The following CENPP variants were observed in gnomAD, a reference collection of about 807,000 sequenced individuals.
CENPP encodes the protein centromere protein P.
A neutral mutation model predicts 35.6 loss-of-function variants in CENPP; 24 were observed. That is an observed-to-expected ratio of 0.67 (90% CI 0.49 to 0.95). The LOEUF is 0.95. Ranked by LOEUF, CENPP falls within the 40% of genes least tolerant of loss-of-function variation. CENPP has a pLI of 0.00. For missense variants in CENPP, 332 were observed against 345.3 expected (o/e 0.96, Z 0.31); for synonymous variants, 120 against 125.5 (o/e 0.96, Z 0.29).
At position 92,517,577 on chromosome 9, in the gene CENPP, A is replaced by G. The variant is rs1588215841; in HGVS notation, c.565-93737A>G. ...TCAGCATTTTGCCAATATTTTAAGT[A>G]CTCAGATCTGACTAATGTATCATAA... is the stretch of plus-strand genomic sequence containing the variant. On this transcript the variant is annotated intron_variant, in intron 5 of 7. Coordinates refer to ENST00000375587, the MANE Select transcript of CENPP (RefSeq NM_001012267.3). The G allele has an allele frequency of 2.1e-6, 3 of 1,433,838 alleles. No homozygotes were observed. In the East Asian group the frequency reaches 6.8e-5, roughly 33 times the overall value. The allele number at this position is 1,433,838 out of a possible 1,614,324, so 88.8% of individuals were successfully genotyped here.
intron 5 of CENPP, among the ~76,000 whole-genome samples, chr9:92,397,136 C>T (rs1374264288): frequency 6.6e-6 from 1 of 151,914 alleles, no homozygotes; most frequent in African/African-American, 2.4e-5. Context: ...ATGATCATGC[C>T]ACTATACTCC....
chr9:92,530,703 T>C (rs1437087057), intron 5 of CENPP, among the ~76,000 whole-genome samples: 1 of 152,194 alleles, frequency 6.6e-6, no homozygotes, highest in Admixed American at 6.6e-5. Flanking sequence ...GCATTTTTTT[T>C]CTTTTTTGAC....
intron 5 of CENPP, chr9:92,417,628 C>T (rs993612769): frequency 3.1e-5 from 28 of 890,386 alleles, no homozygotes; most frequent in Non-Finnish European, 3.9e-5. Flanking sequence ...ACTCAGAATA[C>T]GCTTTGTATA....
chr9:92,456,826 CAA>C lies in CENPP; in HGVS notation c.564+76968_564+76969del, dbSNP rs767226288. On this transcript the variant is annotated intron_variant, in intron 5 of 7. Coordinates refer to ENST00000375587, the MANE Select transcript of CENPP (RefSeq NM_001012267.3). Reference sequence around the variant, plus strand: ...TGATTAAAAATATTACAGTACTACCCAAGTTACTAAAGAATAAGAATAGTGTA... The same window carrying C: ...TGATTAAAAATATTACAGTACTACCCGTTACTAAAGAATAAGAATAGTGTA... 196 of 378,380 alleles carry C rather than the reference CAA, an allele frequency of 5.2e-4. 1 individual carries two copies. The highest frequency in any genetic ancestry group is 7.0e-4 in the Non-Finnish European group (192 of 274,338). The allele number at this position is 378,380 out of a possible 1,614,324, so 23.4% of individuals were successfully genotyped here.
chr9:92,539,091 T>C (rs1459150891), intron 5 of CENPP: 1 of 152,366 alleles, frequency 6.6e-6, no homozygotes, highest in African/African-American at 2.4e-5. Flanking sequence ...CTTAAAGCTG[T>C]GCCTACAACC....
At chr9:92,385,548 G>T in intron 5 of CENPP, 1 of 1,306,130 alleles carries the variant, frequency 7.7e-7, no homozygotes, top group Non-Finnish European at 1.1e-6. Flanking sequence ...CAATACTTAA[G>T]TTCCTTTACT....
chr9:92,389,272 G>A (rs1441135217), intron 5 of CENPP, among the ~76,000 whole-genome samples: 1 of 152,138 alleles, frequency 6.6e-6, no homozygotes, highest in African/African-American at 2.4e-5. Flanking sequence ...TACCTAAACC[G>A]AAGTAGATTA....
intron 5 of CENPP, chr9:92,417,120 G>A: frequency 6.2e-7 from 1 of 1,613,708 alleles, no homozygotes. Context: ...TGCTCTAGAT[G>A]AAGTTGTAGT....
At position 92,613,097 on chromosome 9, in the gene CENPP, A is replaced by C; in HGVS notation, c.815A>C (p.Glu272Ala). Residue 272 changes from glutamate (E) to alanine (A), a missense_variant, in exon 8 of 8, where the codon GAA becomes GCA. Physicochemically the swap from Glu to Ala is moderately radical, Grantham distance 107 (BLOSUM62 -1). Coordinates refer to ENST00000375587, the MANE Select transcript of CENPP (RefSeq NM_001012267.3). ...ACCCTGGTAGGACTGCTTGGAATCG[A>C]AGCTGCTCTGGAAAGCCTGATAAAA... ...FRTLVGLLGI[E>A]AALESLIKSL... 1 of 1,614,208 alleles carries C rather than the reference A, an allele frequency of 6.2e-7. No homozygotes were observed. Among genetic ancestry groups the C allele is most frequent in the Non-Finnish European group, 8.5e-7 (1 of 1,180,032 alleles).
At position 92,374,262 on chromosome 9, in the gene CENPP, T is replaced by TGTGTGC. The variant is rs1554754792; in HGVS notation, c.468-5496_468-5495insCGTGTG. Among the ~76,000 whole-genome samples, 58 of 151,646 alleles carry TGTGTGC rather than the reference T, an allele frequency of 3.8e-4. 1 individual carries two copies. Among genetic ancestry groups the TGTGTGC allele is most frequent in the African/African-American group, 1.4e-3 (58 of 41,308 alleles). The stretch of plus-strand genomic sequence containing the variant: ...TTTGCTGTGTGTGTGTGTGTGTGTG[T>TGTGTGC]GTGTGTGTGTGTGTGTGTGTATGTG... On this transcript the variant is annotated intron_variant, in intron 4 of 7. Coordinates refer to ENST00000375587, the MANE Select transcript of CENPP (RefSeq NM_001012267.3).
chr9:92,520,529 C>G (rs1036561623), intron 5 of CENPP, among the ~76,000 whole-genome samples: 13 of 152,146 alleles, frequency 8.5e-5, no homozygotes, highest in Non-Finnish European at 1.8e-4. Context: ...AACAGCATAG[C>G]CACTTTGGAA....
At chr9:92,397,098 GC>G (rs1842922035) in intron 5 of CENPP, among the ~76,000 whole-genome samples, 1 of 151,812 alleles carries the variant, frequency 6.6e-6, no homozygotes, top group African/African-American at 2.4e-5. Context: ...GATTGCTGGA[GC>G]CCAGGAGGTC....
chr9:92,418,539 A>C (rs972652405), intron 5 of CENPP, among the ~76,000 whole-genome samples: 2 of 152,116 alleles, frequency 1.3e-5, no homozygotes, highest in African/African-American at 4.8e-5. Flanking sequence ...ACATCAGTCA[A>C]CTACAGTCTG....
intron 4 of CENPP, among the ~76,000 whole-genome samples, chr9:92,364,777 A>G (rs977897165): frequency 6.6e-6 from 1 of 152,254 alleles, no homozygotes; most frequent in Non-Finnish European, 1.5e-5. Flanking sequence ...GTGTATGCAC[A>G]AAACCAATGA....
At chr9:92,599,295 C>T (rs1049128776) in intron 5 of CENPP, among the ~76,000 whole-genome samples, 2 of 152,160 alleles carry the variant, frequency 1.3e-5, no homozygotes, top group African/African-American at 2.4e-5. Context: ...CCATCTTAGG[C>T]TTAGGGGCTA....
At chr9:92,544,627 A>C (rs542342583) in intron 5 of CENPP, among the ~76,000 whole-genome samples, 31 of 152,278 alleles carry the variant, frequency 2.0e-4, no homozygotes, top group Non-Finnish European at 3.7e-4. Context: ...AAAACTAGTA[A>C]AAGCTGTGGC....
At chr9:92,499,499 G>A (rs2131146678) in intron 5 of CENPP, among the ~76,000 whole-genome samples, 1 of 152,302 alleles carries the variant, frequency 6.6e-6, no homozygotes, top group South Asian at 2.1e-4. Context: ...GTTCAATGAT[G>A]GAGGAGTAAA....
At chr9:92,459,417 G>C (rs1845011001) in intron 5 of CENPP, among the ~76,000 whole-genome samples, 1 of 152,236 alleles carries the variant, frequency 6.6e-6, no homozygotes, top group Non-Finnish European at 1.5e-5. Flanking sequence ...GAAACCAAAA[G>C]ATGGAAATGG....
Position 92,619,822 on chromosome 9 carries a change from C to A in CENPP, c.*6673C>A. 1.9e-6 allele frequency: 1 copy of A among 521,772 alleles called. No individual in the cohort carries two copies. The highest frequency in any genetic ancestry group is 3.1e-5 in the Admixed American group (1 of 32,028). The allele number at this position is 521,772 out of a possible 1,614,324, so 32.3% of individuals were successfully genotyped here. A position where few individuals can be genotyped will look rare whatever the true frequency, so the allele number is the denominator to read the frequency against. ...CTCTCACGGCAAGCAGTGTGGGACC[C>A]CGACTCCAGACCCTGAGACGGATGA... On this transcript the variant is annotated 3_prime_UTR_variant, in exon 8 of 8. Transcript: ENST00000375587.
Sources: gnomAD v4.1 joint callset for allele counts (sites outside exome capture counted in the v4.1 genomes callset) on GRCh38, gnomAD v4.1.1 for gene constraint, MANE v1.5 for transcripts, NCBI Gene and HGNC (gene_info 2026-07-23, HGNC 2026-07-21) for gene names.